PCDH9: variants seen among roughly 807,000 people sequenced by gnomAD.
The protein encoded by PCDH9 is protocadherin-9.
A neutral mutation model predicts 70.6 loss-of-function variants in PCDH9; 24 were observed. That is an observed-to-expected ratio of 0.34 (90% CI 0.25 to 0.48). PCDH9 has a LOEUF of 0.48. Among genes scored for constraint, PCDH9 ranks in the 20% least tolerant of loss-of-function variants. PCDH9 has a pLI of 0.99. For missense variants in PCDH9, 1,281 were observed against 1,503.6 expected, an observed-to-expected ratio of 0.85 and a Z score of 2.45; for synonymous variants, 562 against 558.5, an observed-to-expected ratio of 1.01 and a Z score of -0.09.
chr13:66,305,042 G>T lies in PCDH9; in HGVS notation c.3341-14C>A. 6.4e-7 allele frequency: 1 copy of T among 1,568,786 alleles called. No individual in the cohort carries two copies. On this transcript the variant is annotated splice_polypyrimidine_tract_variant and intron_variant, in intron 4 of 4. Transcript: ENST00000377865. Reference sequence around the variant, plus strand: ...CCAAAGGCCCATCTGCAGAAGACAAGAGAGAGAAAATAAGAAAAGGAAGTG... The same window carrying T: ...CCAAAGGCCCATCTGCAGAAGACAATAGAGAGAAAATAAGAAAAGGAAGTG...
chr13:66,778,962 C>A (rs2079946002), intron 3 of PCDH9, among the ~76,000 whole-genome samples: 1 of 152,270 alleles, frequency 6.6e-6, no homozygotes, highest in Non-Finnish European at 1.5e-5. Flanking sequence ...GTTTCAGTTT[C>A]TTTCACATTT....
At chr13:67,080,756 T>C (rs188289590) in intron 2 of PCDH9, among the ~76,000 whole-genome samples, 2 of 152,308 alleles carry the variant, frequency 1.3e-5, no homozygotes, top group African/African-American at 2.4e-5. Flanking sequence ...AGCAACCTAT[T>C]AAGATGGCAG....
At chr13:66,472,732 A>G (rs889135841) in intron 4 of PCDH9, among the ~76,000 whole-genome samples, 8 of 152,252 alleles carry the variant, frequency 5.3e-5, no homozygotes, top group Admixed American at 2.0e-4. Context: ...AGTTTTGTAC[A>G]TGAGTTTTAT....
At chr13:66,446,921 A>T (rs1020866843) in intron 4 of PCDH9, among the ~76,000 whole-genome samples, 1 of 152,070 alleles carries the variant, frequency 6.6e-6, no homozygotes, top group Non-Finnish European at 1.5e-5. Flanking sequence ...AAGAGCAATA[A>T]CAGAGATTTT....
At chr13:66,708,842 C>G (rs2078753051) in intron 3 of PCDH9, among the ~76,000 whole-genome samples, 1 of 151,858 alleles carries the variant, frequency 6.6e-6, no homozygotes, top group Non-Finnish European at 1.5e-5. Context: ...CCATGACATT[C>G]AGCTGCTTAT....
rs556485852 is a variant in PCDH9 at position 66,947,440 on chromosome 13, T to G, written c.3037-43835A>C. On this transcript the variant is annotated intron_variant, in intron 2 of 4. Transcript: ENST00000377865. ...TCTTTTTCCAAAAAATACCCCTTAT[T>G]ATGAGTGTAATGACAAATACACGGA... is the stretch of plus-strand genomic sequence containing the variant. 4.4e-4 allele frequency among the ~76,000 whole-genome samples: 67 copies of G among 152,234 alleles called. 1 individual carries two copies. Among genetic ancestry groups the G allele is most frequent in the African/African-American group, 1.3e-3 (55 of 41,552 alleles).
intron 4 of PCDH9, among the ~76,000 whole-genome samples, chr13:66,607,973 A>G (rs966200387): frequency 6.6e-6 from 1 of 152,160 alleles, no homozygotes; most frequent in Non-Finnish European, 1.5e-5. Flanking sequence ...ACACTGTAAC[A>G]TGGGAAGCAA....
At chr13:66,392,593 A>AC (rs1308198340) in intron 4 of PCDH9, among the ~76,000 whole-genome samples, 1 of 152,164 alleles carries the variant, frequency 6.6e-6, no homozygotes, top group African/African-American at 2.4e-5. Flanking sequence ...AGGAACTGTA[A>AC]ACTCTAAAGT....
intron 4 of PCDH9, among the ~76,000 whole-genome samples, chr13:66,481,182 A>C (rs1482166207): frequency 6.6e-6 from 1 of 152,094 alleles, no homozygotes; most frequent in Non-Finnish European, 1.5e-5. Context: ...GAGGGATAAC[A>C]TTAGGAGAAA....
Position 67,183,799 on chromosome 13 carries a change from G to A in PCDH9, c.3036+41606C>T, listed in dbSNP as rs112403120. ...ACCTGTTTACGACTGAGGTTGCAAT[G>A]TTTTGAATTTTTGCATGAAATTTAC... On this transcript the variant is annotated intron_variant, in intron 2 of 4. Coordinates refer to ENST00000377865, the MANE Select transcript of PCDH9 (RefSeq NM_203487.3). Among the ~76,000 whole-genome samples, 10 of 152,190 alleles carry A rather than the reference G, an allele frequency of 6.6e-5. 1 individual carries two copies. The highest frequency in any genetic ancestry group is 2.2e-4 in the African/African-American group (9 of 41,548).
At chr13:66,513,194 GTTT>G (rs34958236) in intron 4 of PCDH9, among the ~76,000 whole-genome samples, 1 of 136,620 alleles carries the variant, frequency 7.3e-6, no homozygotes. Flanking sequence ...AATAACACGT[GTTT>G]TTTTTTTTTT....
At chr13:66,913,070 T>C (rs2082496101) in intron 2 of PCDH9, among the ~76,000 whole-genome samples, 1 of 152,246 alleles carries the variant, frequency 6.6e-6, no homozygotes, top group East Asian at 1.9e-4. Flanking sequence ...GATTCAAATC[T>C]GGCATGCTTT....
chr13:66,993,036 C>T (rs551095921), intron 2 of PCDH9, among the ~76,000 whole-genome samples: 1 of 152,136 alleles, frequency 6.6e-6, no homozygotes, highest in East Asian at 1.9e-4. Flanking sequence ...ATTTAAATTT[C>T]CCATGAAATG....
intron 2 of PCDH9, among the ~76,000 whole-genome samples, chr13:67,047,700 G>A (rs2085249628): frequency 6.6e-6 from 1 of 152,140 alleles, no homozygotes; most frequent in Non-Finnish European, 1.5e-5. Flanking sequence ...CATTCCAAGT[G>A]AAACAAGGTC....
At chr13:66,561,784 G>A (rs1962051452) in intron 4 of PCDH9, among the ~76,000 whole-genome samples, 1 of 152,050 alleles carries the variant, frequency 6.6e-6, no homozygotes, top group Non-Finnish European at 1.5e-5. Flanking sequence ...CAGACCACTT[G>A]GCTCTACCAA....
intron 2 of PCDH9, among the ~76,000 whole-genome samples, chr13:67,078,483 G>A (rs2085921971): frequency 6.6e-6 from 1 of 152,106 alleles, no homozygotes; most frequent in Non-Finnish European, 1.5e-5. Flanking sequence ...CTGACACACA[G>A]TTCCTCAAAA....
intron 3 of PCDH9, among the ~76,000 whole-genome samples, chr13:66,726,532 G>A (rs1230394204): frequency 2.0e-5 from 3 of 152,150 alleles, no homozygotes; most frequent in Admixed American, 6.5e-5. Flanking sequence ...AAGTCACTGT[G>A]ACTCTCATGG....
intron 2 of PCDH9, among the ~76,000 whole-genome samples, chr13:66,955,253 CTA>C (rs372558788): frequency 1.1e-4 from 17 of 152,252 alleles, no homozygotes; most frequent in African/African-American, 3.9e-4. Context: ...TCACCCAGCT[CTA>C]TGTTAGGGTT....
chr13:66,543,580 A>G (rs1013935785), intron 4 of PCDH9, among the ~76,000 whole-genome samples: 5 of 151,044 alleles, frequency 3.3e-5, no homozygotes, highest in African/African-American at 4.8e-5. Context: ...AAAAAAAAAG[A>G]TTAAGTAAAA....
Sources: allele counts gnomAD v4.1 joint callset (sites outside exome capture counted in the v4.1 genomes callset), GRCh38; gene constraint gnomAD v4.1.1; transcripts MANE v1.5; gene names NCBI Gene and HGNC (gene_info 2026-07-23, HGNC 2026-07-21).